Variants in FAXDC2 observed in about 807,000 individuals in gnomAD.
FAXDC2 encodes fatty acid hydroxylase domain containing 2, also known as fatty acid hydroxylase domain-containing protein 2.
FAXDC2 carries 41 observed loss-of-function variants against 40.9 expected under a neutral mutation model. That is an observed-to-expected ratio of 1.00 (90% CI 0.78 to 1.30). The LOEUF (loss-of-function observed/expected upper bound fraction) is 1.30, where lower values mean the gene tolerates loss of function less well. Among genes scored for constraint, FAXDC2 ranks in the 50% most tolerant of loss-of-function variants. FAXDC2 has a pLI of 0.00. For synonymous variants in FAXDC2, 157 were observed against 149.3 expected (o/e 1.05, Z -0.38); for missense variants, 390 against 408.8 (o/e 0.95, Z 0.40).
At chr5:154,833,624 G>T (rs973180097) in intron 4 of FAXDC2, among the ~76,000 whole-genome samples, 1 of 152,040 alleles carries the variant, frequency 6.6e-6, no homozygotes, top group Non-Finnish European at 1.5e-5. Flanking sequence ...AAAGTGTTGG[G>T]ATTACAGGCG....
rs144414255 is a variant in FAXDC2 at position 154,847,419 on chromosome 5, G to A, written c.-1+3064C>T. 6.7e-3 allele frequency among the ~76,000 whole-genome samples: 1,018 copies of A among 152,056 alleles called. 13 individuals are homozygous for A. Among genetic ancestry groups the A allele is most frequent in the African/African-American group, 0.023 (951 of 41,508 alleles). ...AGGTGAGGCTGGAAGGAATACAGAC[G>A]GTTTAATCTTGAATTTTATTTGTCT... On this transcript the variant is annotated intron_variant, in intron 1 of 8. Transcript: ENST00000326080.
intron 1 of FAXDC2, 186 bp from the exon 2 acceptor site, chr5:154,838,364 A>T (rs192484632): frequency 2.0e-3 from 313 of 157,466 alleles, no homozygotes; most frequent in Admixed American, 3.9e-3. Flanking sequence ...ATGTACAAGA[A>T]TAGCTAGAAA....
chr5:154,843,096 C>T (rs1314412635), intron 1 of FAXDC2, among the ~76,000 whole-genome samples: 1 of 152,162 alleles, frequency 6.6e-6, no homozygotes, highest in South Asian at 2.1e-4. Flanking sequence ...TGTGGATTTC[C>T]CTCTTCAGTG....
chr5:154,832,411 C>T (rs1760216585), intron 4 of FAXDC2, among the ~76,000 whole-genome samples: 1 of 152,186 alleles, frequency 6.6e-6, no homozygotes, highest in Non-Finnish European at 1.5e-5. Context: ...GACGGGGTTT[C>T]ACCATGGTCT....
intron 2 of FAXDC2, among the ~76,000 whole-genome samples, chr5:154,836,500 C>T (rs1003016628): frequency 4.6e-5 from 7 of 152,166 alleles, no homozygotes; most frequent in Non-Finnish European, 8.8e-5. Context: ...TAAACTCAGA[C>T]GGGGTCTGCT....
At chr5:154,843,912 G>A (rs1478388545) in intron 1 of FAXDC2, among the ~76,000 whole-genome samples, 1 of 152,042 alleles carries the variant, frequency 6.6e-6, no homozygotes, top group Non-Finnish European at 1.5e-5. Flanking sequence ...GATTGCTTAA[G>A]CCCAGGAGTT....
chr5:154,823,680 T>C, intron 5 of FAXDC2, 88 bp from the exon 6 acceptor site: 1 of 1,114,326 alleles, frequency 9.0e-7, no homozygotes. Context: ...CTCACTCTGG[T>C]TGGATTCTGG....
intron 5 of FAXDC2, among the ~76,000 whole-genome samples, chr5:154,828,705 T>A (rs909429178): frequency 1.3e-5 from 2 of 151,710 alleles, no homozygotes; most frequent in South Asian, 2.1e-4. Context: ...CAAGTGATCC[T>A]CCTGCCTTGA....
intron 1 of FAXDC2, among the ~76,000 whole-genome samples, chr5:154,847,996 C>A (rs997776544): frequency 1.3e-5 from 2 of 151,742 alleles, no homozygotes; most frequent in African/African-American, 2.4e-5. Context: ...CCTGCCACCA[C>A]GCCTGGCTAA....
chr5:154,830,503 T>C, intron 5 of FAXDC2: 1 of 281,074 alleles, frequency 3.6e-6, no homozygotes, highest in Non-Finnish European at 6.9e-6. Flanking sequence ...TAAAGTGGAG[T>C]TGCCTGCCTT....
chr5:154,820,516 T>C (rs2113115740), intron 8 of FAXDC2, 44 bp from the exon 9 acceptor site: 1 of 1,503,218 alleles, frequency 6.7e-7, no homozygotes, highest in Non-Finnish European at 9.0e-7. Context: ...GCTGGAGGCT[T>C]CCGTGCAGAT....
Position 154,820,306 on chromosome 5 carries a change from A to G in FAXDC2, c.*10T>C. On this transcript the variant is annotated 3_prime_UTR_variant, in exon 9 of 9. Transcript: ENST00000326080. ...CTGAGGGACAGCCAGGATGACACTT[A>G]GGCTGTCTCTCACTCCATCCTCTTT... is the stretch of plus-strand genomic sequence containing the variant. 6.3e-7 allele frequency: 1 copy of G among 1,594,976 alleles called. No individual in the cohort carries two copies. Among genetic ancestry groups the G allele is most frequent in the African/African-American group, 1.3e-5 (1 of 74,704 alleles).
intron 2 of FAXDC2, among the ~76,000 whole-genome samples, chr5:154,837,446 A>G (rs1003899879): frequency 2.0e-5 from 3 of 152,050 alleles, no homozygotes; most frequent in Non-Finnish European, 4.4e-5. Context: ...GTTCTTTTAC[A>G]TGGGCCATTC....
intron 1 of FAXDC2, chr5:154,838,471 C>G (rs1760406680): frequency 2.7e-6 from 1 of 374,888 alleles, no homozygotes; most frequent in Non-Finnish European, 4.8e-6. Context: ...AGACAGGGTC[C>G]CACTACGTTG....
In FAXDC2 at chr5:154,819,432, G is replaced by A. The variant is rs1759820711; in HGVS notation, c.*884C>T. ...ATGTTTTTCCGGGCTCTTTCTTCGG[G>A]GAGAAAGAGGGCTCTAACCTTTGGT... On this transcript the variant is annotated 3_prime_UTR_variant, in exon 9 of 9. Coordinates refer to ENST00000326080, the MANE Select transcript of FAXDC2 (RefSeq NM_032385.5). 6.6e-6 allele frequency: 1 copy of A among 152,168 alleles called. No homozygotes were observed. The highest frequency in any genetic ancestry group is 1.5e-5 in the Non-Finnish European group (1 of 68,022). The allele number at this position is 152,168 out of a possible 1,614,324, so 9.4% of individuals were successfully genotyped here.
rs1370989184 is a variant in FAXDC2 at position 154,820,399 on chromosome 5, T to C, written c.919A>G (p.Lys307Glu). Residue 307 changes from lysine to glutamate, a missense_variant, in exon 9 of 9, where the codon AAG (lysine) becomes GAG (glutamate). By Grantham distance (56) the Lys-to-Glu change is moderately conservative (BLOSUM62 1). Transcript: ENST00000326080. ...AGGAGGACATGTCTCTCGTAGGCCTTGGTCTGCTTGAACATGGTGTCAGTC... is the reference window on the plus strand; with the variant it reads ...AGGAGGACATGTCTCTCGTAGGCCTCGGTCTGCTTGAACATGGTGTCAGTC... ...HGTDTMFKQTKAYERHVLLLG... is the reference protein window; with the variant it reads ...HGTDTMFKQTEAYERHVLLLG... 1.2e-6 allele frequency: 2 copies of C among 1,613,000 alleles called. No individual in the cohort carries two copies. The highest frequency in any genetic ancestry group is 3.3e-5 in the Admixed American group (2 of 59,952).
chr5:154,835,011 G>A, intron 2 of FAXDC2, 77 bp from the exon 3 acceptor site: 1 of 921,052 alleles, frequency 1.1e-6, no homozygotes, highest in Non-Finnish European at 1.7e-6. Flanking sequence ...AGGCACAGCG[G>A]GAGTGCTGTA....
Position 154,831,658 on chromosome 5 carries a change from G to C in FAXDC2, c.245-736C>G, listed in dbSNP as rs376421147. Among the ~76,000 whole-genome samples the C allele has an allele frequency of 3.0e-4, 45 of 152,234 alleles. 1 individual carries two copies. Among genetic ancestry groups the C allele is most frequent in the African/African-American group, 1.1e-3 (44 of 41,550 alleles). On this transcript the variant is annotated intron_variant, in intron 4 of 8. Transcript: ENST00000326080. The stretch of plus-strand genomic sequence containing the variant: ...ATTCCATGTCTGTGCCCCTCCACCA[G>C]CACCCTTCATGCTCCATCAACCGAA...
Position 154,834,888 on chromosome 5 carries a change from C to T in FAXDC2, c.95G>A (p.Gly32Asp), listed in dbSNP as rs1190956834. Residue 32 changes from glycine to aspartate, a missense_variant, in exon 3 of 9, where the codon GGC becomes GAC. By Grantham distance (94) the Gly-to-Asp change is moderately conservative. Coordinates refer to ENST00000326080, the MANE Select transcript of FAXDC2 (RefSeq NM_032385.5). Reference sequence around the variant, plus strand: ...GGCCACAAATGAGAGAAGTCCAGAGCCCAGGATGAAAGCTGTCCTCCTCAT... The same window carrying T: ...GGCCACAAATGAGAGAAGTCCAGAGTCCAGGATGAAAGCTGTCCTCCTCAT... ...GSMRRTAFIL[G>D]SGLLSFVAFW... is the part of the protein sequence containing the mutation. The T allele has an allele frequency of 6.2e-7, 1 of 1,609,798 alleles. No homozygotes were observed. The highest frequency in any genetic ancestry group is 8.5e-7 in the Non-Finnish European group (1 of 1,177,866).
Sources: allele counts gnomAD v4.1 joint callset (sites outside exome capture counted in the v4.1 genomes callset), GRCh38; gene constraint gnomAD v4.1.1; transcripts MANE v1.5; gene names NCBI Gene and HGNC (gene_info 2026-07-23, HGNC 2026-07-21).